FRMD4A: variants seen among roughly 807,000 people sequenced by gnomAD.
The protein encoded by FRMD4A is FERM domain-containing protein 4A.
FRMD4A carries 29 observed loss-of-function variants against 129.1 expected under a neutral mutation model. That is an observed-to-expected ratio of 0.22 (90% confidence interval 0.17 to 0.31). The LOEUF (loss-of-function observed/expected upper bound fraction) is 0.31, where lower values mean the gene tolerates loss of function less well. FRMD4A is among the 10% of genes least tolerant of loss of function. The pLI is 1.00. For missense variants in FRMD4A, 1,272 were observed against 1,375.8 expected (o/e 0.92, Z 1.19); for synonymous variants, 634 against 571.6 (o/e 1.11, Z -1.56).
intron 2 of FRMD4A, among the ~76,000 whole-genome samples, chr10:14,000,775 C>A (rs2095640076): frequency 6.6e-6 from 1 of 151,656 alleles, no homozygotes; most frequent in Non-Finnish European, 1.5e-5. Flanking sequence ...TGTCCATGCA[C>A]CAGTCAAGAA....
Position 14,090,948 on chromosome 10 carries a change from A to G in FRMD4A, c.46-232036T>C, listed in dbSNP as rs577695141. Among the ~76,000 whole-genome samples, 7 of 152,310 alleles carry G rather than the reference A, an allele frequency of 4.6e-5. No individual in the cohort carries two copies. In the East Asian group the frequency reaches 1.4e-3, roughly 29 times the overall value. On this transcript the variant is annotated intron_variant, in intron 2 of 24. Transcript: ENST00000357447. ...CTCAGCCTCCTGAGTAGCCGGGACCATAGGCACACACCACCACGCCCAGCT... is the reference window on the plus strand; with the variant it reads ...CTCAGCCTCCTGAGTAGCCGGGACCGTAGGCACACACCACCACGCCCAGCT...
chr10:13,884,168 TCACA>T (rs745788719), intron 2 of FRMD4A, among the ~76,000 whole-genome samples: 3 of 67,452 alleles, frequency 4.4e-5, no homozygotes, highest in African/African-American at 1.3e-4. Flanking sequence ...ACACACACAC[TCACA>T]CACTCACACA....
chr10:13,673,832 A>G (rs895085838), intron 16 of FRMD4A, among the ~76,000 whole-genome samples: 7 of 143,884 alleles, frequency 4.9e-5, no homozygotes, highest in African/African-American at 1.9e-4. Flanking sequence ...CTGGAGTGCA[A>G]TGGCGTGATC....
chr10:13,925,566 CTTTTTTTTTTTTTTTTTTTT>C (rs66980805), intron 2 of FRMD4A, among the ~76,000 whole-genome samples: 3 of 61,938 alleles, frequency 4.8e-5, no homozygotes, highest in South Asian at 9.1e-4. Flanking sequence ...TAGTGAAACG[CTTTTTTTTTTTTTTTTTTTT>C]TTTTTTTTTT....
chr10:13,765,101 A>ATTTTTTTTTTTTTTTTTTTTTTTTTTT (rs10708906), intron 6 of FRMD4A, among the ~76,000 whole-genome samples: 1 of 125,274 alleles, frequency 8.0e-6, no homozygotes. Flanking sequence ...TCAAGGATTG[A>ATTTTTTTTTTTTTTTTTTTTTTTTTTT]TTTTTTTTTT....
At chr10:13,649,687 T>A (rs1391270086) in intron 24 of FRMD4A, 1 of 152,266 alleles carries the variant, frequency 6.6e-6, no homozygotes, top group African/African-American at 2.4e-5. Flanking sequence ...GTATTGGTCT[T>A]TTATTCTCAA....
In FRMD4A at chr10:14,061,566, A is replaced by C. The variant is rs188014439; in HGVS notation, c.46-202654T>G. Among the ~76,000 whole-genome samples, 49 of 152,270 alleles carry C rather than the reference A, an allele frequency of 3.2e-4. 1 individual carries two copies. The Middle Eastern group carries it at 0.01, about 32-fold the overall frequency. On this transcript the variant is annotated intron_variant, in intron 2 of 24. Coordinates refer to ENST00000357447, the MANE Select transcript of FRMD4A (RefSeq NM_018027.5). ...CTAAGTGGGTACAATCTTTCCAGAG[A>C]CTAGTTTGTCAATTTCCTCCCTATC...
At chr10:14,080,040 C>T (rs1835836272) in intron 2 of FRMD4A, among the ~76,000 whole-genome samples, 1 of 152,186 alleles carries the variant, frequency 6.6e-6, no homozygotes, top group South Asian at 2.1e-4. Context: ...GACCTCCTGC[C>T]TGGACCTCCC....
intron 5 of FRMD4A, among the ~76,000 whole-genome samples, chr10:13,795,426 C>T (rs116674891): frequency 0.012 from 1,896 of 152,296 alleles, 36 homozygotes; most frequent in African/African-American, 0.043. Flanking sequence ...GTCATACACT[C>T]GAGCCTGTTA....
At chr10:14,033,605 C>T (rs754261552) in intron 2 of FRMD4A, among the ~76,000 whole-genome samples, 1 of 151,612 alleles carries the variant, frequency 6.6e-6, no homozygotes, top group Non-Finnish European at 1.5e-5. Context: ...GCCAACAAGG[C>T]GAAACCCCAT....
chr10:14,236,994 G>GAAA (rs1589213227), intron 2 of FRMD4A, among the ~76,000 whole-genome samples: 1 of 19,798 alleles, frequency 5.1e-5, no homozygotes, highest in African/African-American at 3.0e-4. Context: ...CAACAGGTCA[G>GAAA]CAAAAAAAAA....
intron 2 of FRMD4A, among the ~76,000 whole-genome samples, chr10:14,031,000 C>T (rs908360155): frequency 5.3e-5 from 8 of 152,220 alleles, no homozygotes; most frequent in Non-Finnish European, 8.8e-5. Flanking sequence ...GTGTCAGGCA[C>T]ACCCAGGAGT....
intron 23 of FRMD4A, chr10:13,653,271 T>C (rs2081834313): frequency 6.6e-6 from 1 of 152,086 alleles, no homozygotes; most frequent in Admixed American, 6.5e-5. Flanking sequence ...CCTAGCACTT[T>C]GGGAAGCTGA....
rs79673424 is a variant in FRMD4A, at chr10:13,987,102, T to C, written c.46-128190A>G. On this transcript the variant is annotated intron_variant, in intron 2 of 24. Coordinates refer to ENST00000357447, the MANE Select transcript of FRMD4A (RefSeq NM_018027.5). ...TAGATCTAGGCTCGTAGCTCAACCT[T>C]AGTTCTTGGACTTAGGGTGATTGAG... Among the ~76,000 whole-genome samples, 1,436 of 152,286 alleles carry C rather than the reference T, an allele frequency of 9.4e-3. 24 individuals carry two copies. The highest frequency in any genetic ancestry group is 0.033 in the African/African-American group (1,352 of 41,552).
At chr10:13,866,852 G>T (rs1418774604) in intron 2 of FRMD4A, among the ~76,000 whole-genome samples, 2 of 152,178 alleles carry the variant, frequency 1.3e-5, no homozygotes, top group Non-Finnish European at 2.9e-5. Context: ...GGAGGATGAG[G>T]CAGGAGAATC....
intron 2 of FRMD4A, among the ~76,000 whole-genome samples, chr10:13,931,669 G>A (rs1440185393): frequency 6.6e-6 from 1 of 151,670 alleles, no homozygotes; most frequent in African/African-American, 2.4e-5. Flanking sequence ...TGGGTGTGAT[G>A]GCTCATGCTT....
intron 2 of FRMD4A, among the ~76,000 whole-genome samples, chr10:14,137,115 G>C (rs1839578792): frequency 6.6e-6 from 1 of 152,256 alleles, no homozygotes; most frequent in South Asian, 2.1e-4. Flanking sequence ...TGGTGATCCA[G>C]CAGACATGAG....
At chr10:13,746,033 A>G (rs1373291878) in intron 9 of FRMD4A, among the ~76,000 whole-genome samples, 1 of 152,240 alleles carries the variant, frequency 6.6e-6, no homozygotes, top group Non-Finnish European at 1.5e-5. Flanking sequence ...GGTTATAATT[A>G]GAGAAAGCCA....
At chr10:13,719,480 G>C (rs532127731) in intron 12 of FRMD4A, among the ~76,000 whole-genome samples, 2 of 152,058 alleles carry the variant, frequency 1.3e-5, no homozygotes, top group Non-Finnish European at 2.9e-5. Flanking sequence ...GACCCCGACT[G>C]TAACACCCTT....
Sources: gnomAD v4.1 joint callset for allele counts (sites outside exome capture counted in the v4.1 genomes callset) on GRCh38, gnomAD v4.1.1 for gene constraint, MANE v1.5 for transcripts, NCBI Gene and HGNC (gene_info 2026-07-23, HGNC 2026-07-21) for gene names.